Variants in LRRC57 observed in about 807,000 individuals in gnomAD.
LRRC57 encodes leucine-rich repeat-containing protein 57.
Under a neutral mutation model 23.1 loss-of-function variants are expected in LRRC57, and 14 were observed. The observed-to-expected ratio is 0.61, with a 90% CI of 0.40 to 0.95. LRRC57 has a LOEUF of 0.95. Ranked by LOEUF, LRRC57 falls within the 40% of genes least tolerant of loss-of-function variation. The pLI, the probability that LRRC57 is intolerant of heterozygous loss-of-function variation, is 0.00. For missense variants in LRRC57, 236 were observed against 284.4 expected, an observed-to-expected ratio of 0.83 and a Z score of 1.22; for synonymous variants, 106 against 115.2, an observed-to-expected ratio of 0.92 and a Z score of 0.51.
chr15:42,531,398 T>C, the LRRC57 span: 1 of 1,529,242 alleles, frequency 6.5e-7, no homozygotes, highest in Non-Finnish European at 8.8e-7. Context: ...AGCTGATATC[T>C]TTCTTGTTTT....
At chr15:42,530,582 T>C in the LRRC57 span, among the ~76,000 whole-genome samples, 1 of 152,120 alleles carries the variant, frequency 6.6e-6, no homozygotes, top group African/African-American at 2.4e-5. Context: ...ACCTCGACTC[T>C]ACTAAAAAAA....
chr15:42,547,759 G>C (rs2057668754), intron 3 of LRRC57: 2 of 551,708 alleles, frequency 3.6e-6, no homozygotes, highest in African/African-American at 1.9e-5. Context: ...TTTTGTAAAG[G>C]GGCCCAAGGC....
rs2057628138 is a variant in LRRC57, at chr15:42,541,306, C to G, written c.*2777G>C. 1 of 152,096 alleles carries G rather than the reference C, an allele frequency of 6.6e-6. No homozygotes were observed. Among genetic ancestry groups the G allele is most frequent in the South Asian group, 2.1e-4 (1 of 4,812 alleles). The allele number at this position is 152,096 out of a possible 1,614,324, so 9.4% of individuals were successfully genotyped here. ...ATCACCTGAAGCCAGGAGTTCAAGA[C>G]CAGTCTGGCCAACACGGTGAAACCC... On this transcript the variant is annotated 3_prime_UTR_variant, in exon 6 of 6. Coordinates refer to ENST00000397130, the MANE Select transcript of LRRC57 (RefSeq NM_153260.3).
rs2057640031 is a variant in LRRC57, at chr15:42,543,222, CAG to C, written c.*859_*860del. 6.7e-6 allele frequency: 1 copy of C among 149,312 alleles called. No homozygotes were observed. The highest frequency in any genetic ancestry group is 2.1e-4 in the South Asian group (1 of 4,702). 9.2% of individuals were successfully genotyped at this position (149,312 alleles called of 1,614,324 possible). A position where few individuals can be genotyped will look rare whatever the true frequency, so the allele number is the denominator to read the frequency against. ...TATTTTTTATTTTTTTAATTTGAGA[CAG>C]AGTCTCACTCTGTCACCCACGCTGG... is the stretch of plus-strand genomic sequence containing the variant. On this transcript the variant is annotated 3_prime_UTR_variant, in exon 6 of 6. Transcript: ENST00000397130.
chr15:42,544,833 AC>A, intron 5 of LRRC57, among the ~76,000 whole-genome samples: 1 of 103,454 alleles, frequency 9.7e-6, no homozygotes, highest in Non-Finnish European at 1.8e-5. Flanking sequence ...ACACACACAC[AC>A]ACACACACTA....
At chr15:42,546,346 G>A (rs1228430098) in intron 4 of LRRC57, among the ~76,000 whole-genome samples, 1 of 152,098 alleles carries the variant, frequency 6.6e-6, no homozygotes, top group Non-Finnish European at 1.5e-5. Context: ...TACTGGCAGA[G>A]GTGAATGTGG....
chr15:42,545,265 A>G lies in LRRC57; in HGVS notation c.493-3T>C, dbSNP rs756657268. On this transcript the variant is annotated splice_region_variant and splice_polypyrimidine_tract_variant and intron_variant, in intron 4 of 5. Transcript: ENST00000397130. Reference sequence around the variant, plus strand: ...ATCTTCACTGAGATCTGAGATATCTATTGAAAAACCACAAAAGAATAACAG... The same window carrying G: ...ATCTTCACTGAGATCTGAGATATCTGTTGAAAAACCACAAAAGAATAACAG... 4.5e-6 allele frequency: 7 copies of G among 1,554,870 alleles called. No homozygotes were observed. In the South Asian group the frequency reaches 8.4e-5, roughly 19 times the overall value.
chr15:42,545,674 C>T lies in LRRC57; in HGVS notation c.493-412G>A, dbSNP rs989203297. 2.0e-5 allele frequency among the ~76,000 whole-genome samples: 3 copies of T among 152,140 alleles called. 1 individual carries two copies. The South Asian group carries it at 6.2e-4, about 31-fold the overall frequency. ...TACATAGATACTGACCACTTTACTACCAAATTCAAGGATCCATTGTCCTCA... is the reference window on the plus strand; with the variant it reads ...TACATAGATACTGACCACTTTACTATCAAATTCAAGGATCCATTGTCCTCA... On this transcript the variant is annotated intron_variant, in intron 4 of 5. Coordinates refer to ENST00000397130, the MANE Select transcript of LRRC57 (RefSeq NM_153260.3).
At position 42,545,169 on chromosome 15, in the gene LRRC57, T is replaced by C; in HGVS notation, c.586A>G (p.Ser196Gly). The change falls in exon 5 of 6, where the codon AGC (serine) becomes GGC (glycine). Residue 196 changes from serine to glycine, a missense_variant. Ser to Gly is a moderately conservative substitution (Grantham distance 56). Coordinates refer to ENST00000397130, the MANE Select transcript of LRRC57 (RefSeq NM_153260.3). ...NCLELSMLPQ[S>G]ILSDSQICLL... ...CAGATCTGGGAATCACTGAGGATGC[T>C]CTGGGGAAGCATGCTGAGCTCAAGA... 1 of 1,612,532 alleles carries C rather than the reference T, an allele frequency of 6.2e-7. No homozygotes were observed. The highest frequency in any genetic ancestry group is 8.5e-7 in the Non-Finnish European group (1 of 1,179,344).
At chr15:42,535,011 T>A (rs1021000864), downstream of LRRC57, among the ~76,000 whole-genome samples, 2 of 152,258 alleles carry the variant, frequency 1.3e-5, no homozygotes, top group Non-Finnish European at 2.9e-5. Context: ...CCAGCTCTAT[T>A]AGCCTCTAAC....
At chr15:42,534,210 A>C (rs1224684802), downstream of LRRC57, among the ~76,000 whole-genome samples, 1 of 152,142 alleles carries the variant, frequency 6.6e-6, no homozygotes, top group Non-Finnish European at 1.5e-5. Context: ...GGCTCACTGC[A>C]ACCTCCACCT....
the LRRC57 span, chr15:42,531,612 G>T: frequency 3.5e-6 from 2 of 576,916 alleles, no homozygotes; most frequent in East Asian, 3.0e-5. Flanking sequence ...GGCCAGAGCA[G>T]TTACAGCCCT....
intron 4 of LRRC57, among the ~76,000 whole-genome samples, chr15:42,546,646 T>C (rs997620101): frequency 1.3e-5 from 2 of 152,232 alleles, no homozygotes; most frequent in Admixed American, 6.5e-5. Context: ...TGTGCCTTCA[T>C]GCCTAGACAA....
chr15:42,541,751 C>G lies in LRRC57; in HGVS notation c.*2332G>C, dbSNP rs1242859440. ...TAGTCTGAAATCCTCTACCTTTGTA[C>G]CTTCAGATTCTTTTTTTTTTTTTTT... On this transcript the variant is annotated 3_prime_UTR_variant, in exon 6 of 6. Transcript: ENST00000397130. The G allele has an allele frequency of 6.6e-6, 1 of 151,394 alleles. No homozygotes were observed. The highest frequency in any genetic ancestry group is 1.5e-5 in the Non-Finnish European group (1 of 67,960). 9.4% of individuals were successfully genotyped at this position (151,394 alleles called of 1,614,324 possible). A position where few individuals can be genotyped will look rare whatever the true frequency, so the allele number is the denominator to read the frequency against.
chr15:42,528,511 C>T, the LRRC57 span: 1 of 1,207,972 alleles, frequency 8.3e-7, no homozygotes. Context: ...CCTAATAAAA[C>T]AAATAAAAAT....
rs1480194302 is a variant in LRRC57 at position 42,547,625 on chromosome 15, CTTG to C, written c.224-99_224-97del. On this transcript the variant is annotated intron_variant, in intron 3 of 5. Transcript: ENST00000397130. ...GACTATATGGCAGCCTGCTTCGCCT[CTTG>C]TTAATATATGTAAAACTCCCACATG... 27 of 1,123,634 alleles carry C rather than the reference CTTG, an allele frequency of 2.4e-5. No individual in the cohort carries two copies. The East Asian group carries it at 4.5e-4, about 19-fold the overall frequency. The allele number at this position is 1,123,634 out of a possible 1,614,324, so 69.6% of individuals were successfully genotyped here. A position where few individuals can be genotyped will look rare whatever the true frequency, so the allele number is the denominator to read the frequency against.
Position 42,548,448 on chromosome 15 carries a change from C to A in LRRC57, c.-14G>T. The A allele has an allele frequency of 1.2e-6, 2 of 1,612,840 alleles. No homozygotes were observed. Among genetic ancestry groups the A allele is most frequent in the South Asian group, 1.1e-5 (1 of 91,076 alleles). ...ACTGTTTCCCATCCTAGCGCCGCGGCTCAGGTCCCTGCGGGAAGGAAGCGC... is the reference window on the plus strand; with the variant it reads ...ACTGTTTCCCATCCTAGCGCCGCGGATCAGGTCCCTGCGGGAAGGAAGCGC... On this transcript the variant is annotated 5_prime_UTR_variant, in exon 2 of 6. Coordinates refer to ENST00000397130, the MANE Select transcript of LRRC57 (RefSeq NM_153260.3).
At chr15:42,535,118 C>T (rs909532121), downstream of LRRC57, among the ~76,000 whole-genome samples, 9 of 152,260 alleles carry the variant, frequency 5.9e-5, no homozygotes, top group South Asian at 2.1e-4. Context: ...AAGGCAGTTT[C>T]ATCTACATTG....
the LRRC57 span, chr15:42,532,551 C>G: frequency 1.3e-5 from 2 of 152,536 alleles, no homozygotes; most frequent in Admixed American, 6.5e-5. Flanking sequence ...GGCCTATTAA[C>G]ATCATACATT....
Sources: allele counts gnomAD v4.1 joint callset (sites outside exome capture counted in the v4.1 genomes callset), GRCh38; gene constraint gnomAD v4.1.1; transcripts MANE v1.5; gene names NCBI Gene and HGNC (gene_info 2026-07-23, HGNC 2026-07-21).